Variants in FOXP2 observed in about 807,000 individuals in gnomAD.
FOXP2 encodes forkhead box P2.
A neutral mutation model predicts 115.8 loss-of-function variants in FOXP2; 12 were observed. The observed-to-expected ratio is 0.10, with a 90% CI of 0.07 to 0.17. The LOEUF is 0.17. FOXP2 is among the 10% of genes least tolerant of loss of function. The pLI is 1.00. For synonymous variants in FOXP2, 328 were observed against 297.7 expected (o/e 1.10, Z -1.05); for missense variants, 629 against 843.5 (o/e 0.75, Z 3.15).
intron 1 of FOXP2, among the ~76,000 whole-genome samples, chr7:114,143,019 G>A (rs1184697716): frequency 6.6e-5 from 10 of 151,838 alleles, no homozygotes; most frequent in African/African-American, 2.4e-4. Flanking sequence ...ATGGTGGCAT[G>A]CACCTGTAGT....
rs563488843 is a variant in FOXP2 at position 114,214,494 on chromosome 7, G to T, written c.-102+51406G>T. 5.3e-5 allele frequency among the ~76,000 whole-genome samples: 8 copies of T among 152,274 alleles called. No individual in the cohort carries two copies. In the South Asian group the frequency reaches 1.0e-3, roughly 20 times the overall value. On this transcript the variant is annotated intron_variant, in intron 1 of 17. Coordinates refer to the FOXP2 transcript ENST00000634411. The stretch of plus-strand genomic sequence containing the variant: ...GTAATATTTTATACAGATTCTTACT[G>T]CTTTAAGAAAATCATCTTATATCCT...
At chr7:114,577,338 G>A (rs890161260) in intron 3 of FOXP2, among the ~76,000 whole-genome samples, 2 of 151,810 alleles carry the variant, frequency 1.3e-5, no homozygotes, top group South Asian at 2.1e-4. Flanking sequence ...TAACAATGGC[G>A]TTCAGAAAGC....
intron 2 of FOXP2, among the ~76,000 whole-genome samples, chr7:114,292,696 T>C (rs953885815): frequency 5.9e-5 from 9 of 152,180 alleles, no homozygotes; most frequent in Admixed American, 5.2e-4. Flanking sequence ...CTGCATAGTA[T>C]CTTACCCTAT....
intron 3 of FOXP2, among the ~76,000 whole-genome samples, chr7:114,578,110 A>G (rs1801665220): frequency 1.3e-5 from 2 of 152,054 alleles, no homozygotes; most frequent in Non-Finnish European, 2.9e-5. Flanking sequence ...ATTAATATGA[A>G]TAACAAATGT....
At position 114,359,245 on chromosome 7, in the gene FOXP2, T is replaced by C. The variant is rs80042930; in HGVS notation, c.-10-67257T>C. On this transcript the variant is annotated intron_variant, in intron 2 of 17. Transcript: ENST00000634411. ...TTACATGTGATGCTGAGCCTGCAAG[T>C]GCACAGAAGTTAAGAAGTAAGGTTT... Among the ~76,000 whole-genome samples the C allele has an allele frequency of 4.6e-3, 695 of 152,290 alleles. 15 individuals are homozygous for C. Among genetic ancestry groups the C allele is most frequent in the Admixed American group, 0.033 (501 of 15,292 alleles).
At chr7:114,309,968 G>A (rs1234949727) in intron 2 of FOXP2, among the ~76,000 whole-genome samples, 19 of 151,928 alleles carry the variant, frequency 1.3e-4, no homozygotes, top group Admixed American at 1.2e-3. Flanking sequence ...CCTGGTGGGA[G>A]GTGTCTTTAA....
intron 3 of FOXP2, among the ~76,000 whole-genome samples, chr7:114,606,254 C>T (rs1803318609): frequency 6.6e-6 from 1 of 152,120 alleles, no homozygotes; most frequent in South Asian, 2.1e-4. Context: ...CACTGAGTTT[C>T]AGGGATGTGT....
chr7:114,288,990 G>T (rs546746720), intron 2 of FOXP2, among the ~76,000 whole-genome samples: 1 of 151,658 alleles, frequency 6.6e-6, no homozygotes, highest in East Asian at 1.9e-4. Context: ...TAGGCCTCAG[G>T]ATCTTCACTT....
chr7:114,663,495 A>T lies in FOXP2; in HGVS notation c.1815A>T (p.Gly605=). 1 of 1,611,260 alleles carries T rather than the reference A, an allele frequency of 6.2e-7. No individual in the cohort carries two copies. Among genetic ancestry groups the T allele is most frequent in the Non-Finnish European group, 8.5e-7 (1 of 1,178,846 alleles). ...ATATACCTACCAGTTTAGGCTATGG[A>T]GCAGCTCTTAATGCCAGTTTGCAGG... ...VKNIPTSLGY[G]AALNASLQAA... is the part of the protein sequence containing the mutation. The change falls in exon 15 of 17, where the codon GGA becomes GGT. Residue 605 remains glycine (G), a synonymous_variant. Transcript: ENST00000350908.
chr7:114,467,612 T>G (rs1795863290), intron 2 of FOXP2, among the ~76,000 whole-genome samples: 1 of 152,166 alleles, frequency 6.6e-6, no homozygotes, highest in Non-Finnish European at 1.5e-5. Flanking sequence ...CGGTTGTTGT[T>G]TACTTGCTCT....
intron 2 of FOXP2, among the ~76,000 whole-genome samples, chr7:114,343,348 C>T (rs1048736781): frequency 1.3e-5 from 2 of 151,542 alleles, no homozygotes; most frequent in African/African-American, 4.8e-5. Flanking sequence ...TTACTCAAAG[C>T]TCACTGTGTT....
chr7:114,609,613 A>G (rs1350608203), intron 3 of FOXP2, among the ~76,000 whole-genome samples: 1 of 152,188 alleles, frequency 6.6e-6, no homozygotes, highest in Non-Finnish European at 1.5e-5. Context: ...ACTTTGGATC[A>G]GCTTCCAACA....
At chr7:114,658,338 T>C (rs1806699620) in intron 11 of FOXP2, 71 bp downstream of exon 11, 3 of 1,458,918 alleles carry the variant, frequency 2.1e-6, no homozygotes, top group South Asian at 2.4e-5. Flanking sequence ...CAACTGTACA[T>C]GAGCCATTCC....
intron 2 of FOXP2, among the ~76,000 whole-genome samples, chr7:114,452,274 A>G (rs1347309840): frequency 6.6e-6 from 1 of 152,008 alleles, no homozygotes; most frequent in African/African-American, 2.4e-5. Flanking sequence ...TCAGATTGAC[A>G]GTGAGCCACT....
chr7:114,122,805 C>T (rs1361106306), intron 1 of FOXP2, among the ~76,000 whole-genome samples: 3 of 151,996 alleles, frequency 2.0e-5, no homozygotes, highest in Non-Finnish European at 4.4e-5. Context: ...TTTGAATACA[C>T]ATAATTTTTA....
At chr7:114,333,515 G>A (rs966294187) in intron 2 of FOXP2, among the ~76,000 whole-genome samples, 1 of 152,228 alleles carries the variant, frequency 6.6e-6, no homozygotes, top group Non-Finnish European at 1.5e-5. Flanking sequence ...CACATCGGAA[G>A]GCCGAGGCGG....
intron 2 of FOXP2, among the ~76,000 whole-genome samples, chr7:114,307,781 G>A (rs529371111): frequency 3.3e-5 from 5 of 152,248 alleles, no homozygotes; most frequent in Non-Finnish European, 7.4e-5. Context: ...CATTGGGGGT[G>A]GGGAGAGGAT....
At chr7:114,581,257 C>T (rs1269780240) in intron 3 of FOXP2, among the ~76,000 whole-genome samples, 11 of 151,760 alleles carry the variant, frequency 7.2e-5, no homozygotes, top group East Asian at 5.8e-4. Context: ...AGTCTCTGCT[C>T]ACTGCAACCT....
At chr7:114,578,238 C>A (rs1056790631) in intron 3 of FOXP2, among the ~76,000 whole-genome samples, 2 of 151,824 alleles carry the variant, frequency 1.3e-5, no homozygotes, top group African/African-American at 4.8e-5. Context: ...TTTTGCGTAT[C>A]TACTCTTTTC....
Sources: allele counts gnomAD v4.1 joint callset (sites outside exome capture counted in the v4.1 genomes callset), GRCh38; gene constraint gnomAD v4.1.1; transcripts MANE v1.5; gene names NCBI Gene and HGNC (gene_info 2026-07-23, HGNC 2026-07-21).